ANXA8: variants seen among roughly 807,000 people sequenced by gnomAD.
The protein encoded by ANXA8 is annexin A8, also known as VAC-beta.
ANXA8 carries 9 observed loss-of-function variants against 26.8 expected under a neutral mutation model. The ratio of observed to expected loss-of-function variants is 0.34; its 90% confidence interval spans 0.20 to 0.59. The LOEUF is 0.59. ANXA8 is among the 20% of genes least tolerant of loss of function. The probability of loss-of-function intolerance (pLI) is 0.84; values close to 1 mark genes in which losing one functional copy is unlikely to be tolerated. For missense variants in ANXA8, 83 were observed against 238.5 expected, an observed-to-expected ratio of 0.35 and a Z score of 4.29; for synonymous variants, 39 against 94.8, an observed-to-expected ratio of 0.41 and a Z score of 3.42.
At chr10:47,559,120 T>G in the ANXA8 span, among the ~76,000 whole-genome samples, 3 of 148,394 alleles carry the variant, frequency 2.0e-5, no homozygotes, top group Non-Finnish European at 3.0e-5. Flanking sequence ...TTAAGTAGAG[T>G]AACTTCCTTT....
the ANXA8 span, among the ~76,000 whole-genome samples, chr10:47,665,770 T>G: frequency 1.3e-5 from 2 of 151,638 alleles, no homozygotes; most frequent in Non-Finnish European, 2.9e-5. Flanking sequence ...ACTCTATGGA[T>G]TAAATTGCCC....
chr10:47,623,902 G>A, the ANXA8 span, among the ~76,000 whole-genome samples: 1 of 96,648 alleles, frequency 1.0e-5, no homozygotes, highest in Non-Finnish European at 2.2e-5. Context: ...TTTGGGACCC[G>A]TGACAAAGTA....
the ANXA8 span, among the ~76,000 whole-genome samples, chr10:47,681,523 CTT>C: frequency 0.011 from 866 of 81,002 alleles, 5 homozygotes; most frequent in African/African-American, 0.039. Context: ...TTTATTTTTA[CTT>C]TTTTTTTTTT....
the ANXA8 span, among the ~76,000 whole-genome samples, chr10:47,957,856 A>C: frequency 6.7e-6 from 1 of 149,254 alleles, no homozygotes; most frequent in African/African-American, 2.5e-5. Context: ...GAGTACTCAA[A>C]CTTATATCTA....
the ANXA8 span, among the ~76,000 whole-genome samples, chr10:47,513,255 G>A: frequency 6.3e-4 from 92 of 145,296 alleles, no homozygotes; most frequent in African/African-American, 2.2e-3. Context: ...GGCTGGTCTC[G>A]AACTCCTGAC....
chr10:47,510,347 C>T, the ANXA8 span: 33 of 1,222,806 alleles, frequency 2.7e-5, 1 homozygote, highest in Admixed American at 3.2e-4. Context: ...AATGACAAAG[C>T]ACTAAGATAT....
chr10:47,521,754 C>A, the ANXA8 span, among the ~76,000 whole-genome samples: 11 of 151,444 alleles, frequency 7.3e-5, no homozygotes, highest in Middle Eastern at 3.4e-3. Flanking sequence ...CCTCTGCCAA[C>A]AGTGTAGAGA....
At chr10:47,930,740 CA>C in the ANXA8 span, among the ~76,000 whole-genome samples, 1 of 152,276 alleles carries the variant, frequency 6.6e-6, no homozygotes, top group Non-Finnish European at 1.5e-5. Flanking sequence ...AAGAAATATC[CA>C]TAGTACAAGT....
chr10:47,581,075 C>G, the ANXA8 span: 2 of 197,586 alleles, frequency 1.0e-5, no homozygotes. Context: ...GGCTCTGTCT[C>G]AAAACAAACA....
chr10:47,495,062 C>CCTCT, the ANXA8 span, among the ~76,000 whole-genome samples: 17 of 148,728 alleles, frequency 1.1e-4, no homozygotes, highest in African/African-American at 3.8e-4. Flanking sequence ...AACCACCTCT[C>CCTCT]CTCTCTCTCT....
At chr10:47,735,285 G>T in the ANXA8 span, among the ~76,000 whole-genome samples, 647 of 143,596 alleles carry the variant, frequency 4.5e-3, 12 homozygotes, top group Non-Finnish European at 6.7e-3. Flanking sequence ...TGTAGAGACA[G>T]GGTCTCCCTA....
At chr10:47,981,184 A>G in the ANXA8 span, among the ~76,000 whole-genome samples, 1 of 151,796 alleles carries the variant, frequency 6.6e-6, no homozygotes, top group Non-Finnish European at 1.5e-5. Context: ...CCACATTAAT[A>G]AAATGAAGGA....
Position 47,468,896 on chromosome 10 carries a change from C to T in ANXA8, c.935G>A (p.Ser312Asn), listed in dbSNP as rs1839199546. 1 of 1,611,460 alleles carries T rather than the reference C, an allele frequency of 6.2e-7. No homozygotes were observed. Among genetic ancestry groups the T allele is most frequent in the Admixed American group, 1.7e-5 (1 of 59,980 alleles). ...CAGCAGGGCGTTCTTGTAGTCACCG[C>T]TGGTGTCTTCCTGTGGGCAGGAGGC... The part of the protein sequence containing the change: ...TLSSMIMEDT[S>N]GDYKNALLSL... Residue 312 changes from serine (S) to asparagine (N), a missense_variant, in exon 12 of 12, where the codon AGC (serine) becomes AAC (asparagine). This residue lies in a region of ANXA8 where 28 missense variants were observed against 37.7 expected (regional missense o/e 0.74). Transcript: ENST00000585281.
At chr10:47,660,470 G>A in the ANXA8 span, among the ~76,000 whole-genome samples, 6 of 150,960 alleles carry the variant, frequency 4.0e-5, no homozygotes, top group African/African-American at 7.4e-5. Flanking sequence ...GTGTGATCTC[G>A]GCTCACTGCA....
At chr10:47,716,489 A>G in the ANXA8 span, among the ~76,000 whole-genome samples, 1 of 126,904 alleles carries the variant, frequency 7.9e-6, no homozygotes, top group African/African-American at 3.4e-5. Context: ...ATGTTTTCCA[A>G]TATATGATTG....
the ANXA8 span, among the ~76,000 whole-genome samples, chr10:47,971,406 CCT>C: frequency 6.7e-6 from 1 of 149,532 alleles, no homozygotes; most frequent in African/African-American, 2.4e-5. Context: ...TTTTATCTCC[CCT>C]GTTGCAACTC....
At chr10:47,552,582 T>A in the ANXA8 span, among the ~76,000 whole-genome samples, 1 of 152,092 alleles carries the variant, frequency 6.6e-6, no homozygotes, top group Non-Finnish European at 1.5e-5. Flanking sequence ...GTGTGAGATA[T>A]GACTGGTTTT....
At chr10:47,951,655 CA>C in the ANXA8 span, among the ~76,000 whole-genome samples, 1 of 149,968 alleles carries the variant, frequency 6.7e-6, no homozygotes, top group East Asian at 2.1e-4. Context: ...ACTAAAAATA[CA>C]AAAAATTAGC....
At chr10:47,901,834 C>T in the ANXA8 span, among the ~76,000 whole-genome samples, 13 of 150,932 alleles carry the variant, frequency 8.6e-5, no homozygotes, top group South Asian at 1.3e-3. Context: ...ATTGAAGAAG[C>T]CAAGAACAAA....
Sources: gnomAD v4.1 joint callset for allele counts (sites outside exome capture counted in the v4.1 genomes callset) on GRCh38, gnomAD v4.1.1 for gene constraint, gnomAD v4.1.1 regional missense constraint, MANE v1.5 for transcripts, NCBI Gene and HGNC (gene_info 2026-07-23, HGNC 2026-07-21) for gene names.